EPB41L2: variants seen among roughly 807,000 people sequenced by gnomAD.
EPB41L2 encodes band 4.1-like protein 2.
In EPB41L2, 43 loss-of-function variants were observed where a neutral mutation model predicts 113.0. The ratio of observed to expected loss-of-function variants is 0.38; its 90% CI spans 0.30 to 0.49. The LOEUF is 0.49. Ranked by LOEUF, EPB41L2 falls within the 20% of genes least tolerant of loss-of-function variation. The pLI is 0.95. For synonymous variants in EPB41L2, 442 were observed against 436.7 expected (o/e 1.01, Z -0.15); for missense variants, 1,147 against 1,223.4 (o/e 0.94, Z 0.93).
At chr6:130,914,419 C>T (rs1010555231) in intron 4 of EPB41L2, among the ~76,000 whole-genome samples, 1 of 152,184 alleles carries the variant, frequency 6.6e-6, no homozygotes, top group African/African-American at 2.4e-5. Flanking sequence ...AAAATAGGGT[C>T]ACTGTATTCA....
At chr6:130,895,582 T>C (rs1357655339) in intron 8 of EPB41L2, among the ~76,000 whole-genome samples, 2 of 152,362 alleles carry the variant, frequency 1.3e-5, no homozygotes, top group African/African-American at 4.8e-5. Flanking sequence ...CCCTAGCTAA[T>C]AGCTCTTAAA....
At chr6:130,915,731 G>C (rs1186287281) in intron 4 of EPB41L2, among the ~76,000 whole-genome samples, 2 of 152,110 alleles carry the variant, frequency 1.3e-5, no homozygotes, top group Non-Finnish European at 2.9e-5. Context: ...GTGAATCATG[G>C]GGGCAGATCT....
chr6:130,885,214 C>T lies in EPB41L2; in HGVS notation c.1715G>A (p.Gly572Glu), dbSNP rs941444509. The change falls in exon 12 of 20, where the codon GGG becomes GAG. Residue 572 changes from glycine to glutamate, a missense_variant. Physicochemically the swap from Gly to Glu is moderately conservative, Grantham distance 98 (BLOSUM62 -2). Transcript: ENST00000337057. The part of the protein sequence containing the change: ...SLMKDFPGAA[G>E]EISAYGPGLV... ...TCCAGGTCCATAGGCTGAAATCTCC[C>T]CAGCAGCGCCAGGAAAATCCTTCAT... The T allele has an allele frequency of 6.2e-7, 1 of 1,614,126 alleles. No homozygotes were observed. The highest frequency in any genetic ancestry group is 8.5e-7 in the Non-Finnish European group (1 of 1,180,014).
At chr6:130,993,228 C>G (rs1350080205) in intron 1 of EPB41L2, among the ~76,000 whole-genome samples, 4 of 151,992 alleles carry the variant, frequency 2.6e-5, no homozygotes. Context: ...CAGGTGTTAC[C>G]GCACAGAGAG....
At chr6:130,841,018 A>G (rs565729987) in intron 19 of EPB41L2, among the ~76,000 whole-genome samples, 2 of 152,258 alleles carry the variant, frequency 1.3e-5, no homozygotes, top group South Asian at 4.1e-4. Flanking sequence ...ATGAGGAAAG[A>G]GGCATGGAGG....
At chr6:130,876,536 A>T in intron 14 of EPB41L2, 1 of 363,464 alleles carries the variant, frequency 2.8e-6, no homozygotes, top group Non-Finnish European at 5.1e-6. Context: ...CAGGGGATTT[A>T]ACTTTTTAAA....
chr6:131,046,202 G>A (rs879563297), intron 1 of EPB41L2, among the ~76,000 whole-genome samples: 10 of 150,630 alleles, frequency 6.6e-5, no homozygotes, highest in South Asian at 2.1e-4. Context: ...TTACAGATAC[G>A]AGCCACTATG....
At chr6:130,925,015 C>G (rs1804167123) in intron 4 of EPB41L2, among the ~76,000 whole-genome samples, 1 of 151,530 alleles carries the variant, frequency 6.6e-6, no homozygotes, top group Admixed American at 6.6e-5. Flanking sequence ...ATTGCCAACT[C>G]CTACATCCAG....
At chr6:131,042,008 G>A (rs1281941222) in intron 1 of EPB41L2, among the ~76,000 whole-genome samples, 1 of 152,154 alleles carries the variant, frequency 6.6e-6, no homozygotes, top group Non-Finnish European at 1.5e-5. Context: ...AGTGAATGAA[G>A]TGATAAACTG....
intron 1 of EPB41L2, among the ~76,000 whole-genome samples, chr6:131,032,295 A>G (rs929579559): frequency 1.4e-5 from 2 of 147,568 alleles, no homozygotes; most frequent in Non-Finnish European, 2.9e-5. Context: ...AAAATGCAGT[A>G]GCATTTATCT....
chr6:130,913,126 C>T (rs1799927475), intron 4 of EPB41L2, among the ~76,000 whole-genome samples: 1 of 152,152 alleles, frequency 6.6e-6, no homozygotes, highest in Admixed American at 6.5e-5. Context: ...CCTAAAGCAC[C>T]CGGCCCTTGT....
At chr6:131,050,125 G>T (rs1445010303) in intron 1 of EPB41L2, among the ~76,000 whole-genome samples, 4 of 152,188 alleles carry the variant, frequency 2.6e-5, no homozygotes, top group Non-Finnish European at 4.4e-5. Context: ...GATCACCTGA[G>T]GTCAGGAGTT....
intron 19 of EPB41L2, among the ~76,000 whole-genome samples, chr6:130,854,171 G>A (rs1361227263): frequency 1.3e-5 from 2 of 152,104 alleles, no homozygotes; most frequent in African/African-American, 4.8e-5. Context: ...TTCCTTCAGA[G>A]GGCTGATCAC....
chr6:130,850,271 C>A (rs1582630789), intron 19 of EPB41L2, among the ~76,000 whole-genome samples: 1 of 152,172 alleles, frequency 6.6e-6, no homozygotes, highest in East Asian at 1.9e-4. Context: ...ACCTTCGTGG[C>A]ATACCAACTC....
intron 1 of EPB41L2, among the ~76,000 whole-genome samples, chr6:131,007,739 C>T (rs972024445): frequency 6.6e-6 from 1 of 152,166 alleles, no homozygotes; most frequent in African/African-American, 2.4e-5. Context: ...AGCAAAGAGA[C>T]TGGTGACATT....
At chr6:130,870,327 C>A (rs1785235553) in intron 14 of EPB41L2, 2 of 1,550,540 alleles carry the variant, frequency 1.3e-6, no homozygotes, top group African/African-American at 2.7e-5. Context: ...AAGGGGAGAA[C>A]CTTAACAGCA....
rs186273890 is a variant in EPB41L2, at chr6:131,001,955, A to C, written c.-14-45456T>G. Among the ~76,000 whole-genome samples, 84 of 152,336 alleles carry C rather than the reference A, an allele frequency of 5.5e-4. 1 individual carries two copies. The highest frequency in any genetic ancestry group is 1.9e-3 in the African/African-American group (81 of 41,588). On this transcript the variant is annotated intron_variant, in intron 1 of 19. Coordinates refer to ENST00000337057, the MANE Select transcript of EPB41L2 (RefSeq NM_001431.4). ...AGATTTCTGTGGAAGAATATTTCCA[A>C]GCAAAACAAAAACTAATGATTCTCA...
At chr6:130,867,821 T>C (rs1223684208) in intron 15 of EPB41L2, 1 of 455,056 alleles carries the variant, frequency 2.2e-6, no homozygotes, top group Non-Finnish European at 4.1e-6. Context: ...TATGAATGTG[T>C]GTATGTGTAC....
intron 19 of EPB41L2, among the ~76,000 whole-genome samples, chr6:130,843,210 G>C (rs1457667474): frequency 6.6e-6 from 1 of 152,150 alleles, no homozygotes; most frequent in Non-Finnish European, 1.5e-5. Context: ...AAAGAGAAAA[G>C]ATAAAGACAG....
Sources: gnomAD v4.1 joint callset for allele counts (sites outside exome capture counted in the v4.1 genomes callset) on GRCh38, gnomAD v4.1.1 for gene constraint, MANE v1.5 for transcripts, NCBI Gene and HGNC (gene_info 2026-07-23, HGNC 2026-07-21) for gene names.